Variants in HSP90B1 observed in about 807,000 individuals in gnomAD.
HSP90B1 encodes endoplasmin.
Under a neutral mutation model 100.4 loss-of-function variants are expected in HSP90B1, and 27 were observed. The observed-to-expected ratio is 0.27, with a 90% CI of 0.20 to 0.37. HSP90B1 has a LOEUF of 0.37. Ranked by LOEUF, HSP90B1 falls within the 10% of genes least tolerant of loss-of-function variation. HSP90B1 has a pLI of 1.00. For synonymous variants in HSP90B1, 304 were observed against 330.8 expected, an observed-to-expected ratio of 0.92 and a Z score of 0.88; for missense variants, 678 against 960.5, an observed-to-expected ratio of 0.71 and a Z score of 3.89.
At position 103,943,536 on chromosome 12, in the gene HSP90B1, G is replaced by A; in HGVS notation, c.1891-202G>A. The A allele has an allele frequency of 4.4e-6, 3 of 688,164 alleles. No homozygotes were observed. The highest frequency in any genetic ancestry group is 4.5e-5 in the South Asian group (2 of 44,498). The allele number at this position is 688,164 out of a possible 1,614,324, so 42.6% of individuals were successfully genotyped here. On this transcript the variant is annotated intron_variant, in intron 13 of 17. Transcript: ENST00000299767. The surrounding 1 kb of genome is among the most constrained non-coding windows in gnomAD (Gnocchi z 5.3). ...ATTAAATTTTATGTTTTTAAAAGGT[G>A]GTATTTAAACTTCTGACTAGAAAAT...
intron 4 of HSP90B1, among the ~76,000 whole-genome samples, chr12:103,933,672 T>G (rs1869828743): frequency 6.6e-6 from 1 of 152,260 alleles, no homozygotes; most frequent in South Asian, 2.1e-4. Context: ...TTTATTTTTC[T>G]TGAATTGTTT....
chr12:103,938,696 C>T (rs1031322068), intron 7 of HSP90B1: 1 of 261,370 alleles, frequency 3.8e-6, no homozygotes, highest in Non-Finnish European at 7.3e-6. Context: ...TATATATTGC[C>T]TAGGACTGGT....
In HSP90B1 at chr12:103,939,734, C is replaced by T. The variant is rs1469925090; in HGVS notation, c.1092+109C>T. On this transcript the variant is annotated intron_variant, in intron 8 of 17. Transcript: ENST00000299767. ...GACCATGAATATGAGATGGTCCATT[C>T]CCATTTTTTCCCAGTGAGAAAATTC... 6 of 528,678 alleles carry T rather than the reference C, an allele frequency of 1.1e-5. No individual in the cohort carries two copies. The African/African-American group carries it at 1.2e-4, about 10-fold the overall frequency. 32.7% of individuals were successfully genotyped at this position (528,678 alleles called of 1,614,324 possible).
intron 6 of HSP90B1, 159 bp from the exon 7 acceptor site, chr12:103,938,181 A>G: frequency 3.4e-6 from 2 of 586,836 alleles, no homozygotes; most frequent in Non-Finnish European, 5.7e-6. Flanking sequence ...AAAAAAAAAA[A>G]AAAAGAATGA....
chr12:103,940,537 T>C (rs1202340215), intron 8 of HSP90B1, among the ~76,000 whole-genome samples: 1 of 152,202 alleles, frequency 6.6e-6, no homozygotes, highest in African/African-American at 2.4e-5. Flanking sequence ...TTCCATATCC[T>C]TTAAATTTCA....
At chr12:103,944,117 T>C (rs776274739) in intron 14 of HSP90B1, among the ~76,000 whole-genome samples, 16 of 152,230 alleles carry the variant, frequency 1.1e-4, no homozygotes, top group Non-Finnish European at 1.8e-4. Flanking sequence ...TTTCTTAATG[T>C]GTTATGCATA....
At position 103,932,324 on chromosome 12, in the gene HSP90B1, G is replaced by A. The variant is rs1263799075; in HGVS notation, c.200G>A (p.Arg67Lys). 6.2e-7 allele frequency: 1 copy of A among 1,613,050 alleles called. No individual in the cohort carries two copies. Residue 67 changes from arginine (R) to lysine (K), a missense_variant, in exon 3 of 18, where the codon AGA becomes AAA. Physicochemically the swap from Arg to Lys is conservative, Grantham distance 26. This residue lies in a region of HSP90B1 where 88 missense variants were observed against 88.2 expected (regional missense o/e 1.00). Coordinates refer to ENST00000299767, the MANE Select transcript of HSP90B1 (RefSeq NM_003299.3). ...QLDGLNASQI[R>K]ELREKSEKFA... is the part of the protein sequence containing the mutation. Reference sequence around the variant, plus strand: ...GATGGATTAAATGCATCACAAATAAGAGAACTTAGAGAGAAGTCGGAAAAG... The same window carrying A: ...GATGGATTAAATGCATCACAAATAAAAGAACTTAGAGAGAAGTCGGAAAAG...
At chr12:103,931,484 T>C in intron 1 of HSP90B1, 37 bp from the exon 2 acceptor site, 2 of 1,474,120 alleles carry the variant, frequency 1.4e-6, no homozygotes, top group Non-Finnish European at 9.5e-7. Context: ...CTTGGAGAAG[T>C]GTGATGTTGA....
At chr12:103,936,796 A>C (rs920993410) in intron 5 of HSP90B1, among the ~76,000 whole-genome samples, 1 of 152,146 alleles carries the variant, frequency 6.6e-6, no homozygotes, top group South Asian at 2.1e-4. Context: ...TTCTACTTGC[A>C]TCCAAAACTG....
At chr12:103,944,639 C>A (rs560860640) in intron 14 of HSP90B1, among the ~76,000 whole-genome samples, 1 of 151,992 alleles carries the variant, frequency 6.6e-6, no homozygotes, top group African/African-American at 2.4e-5. Flanking sequence ...TCACTGCAAC[C>A]TCCGCCTCCT....
At chr12:103,933,446 C>T (rs1438898425) in intron 4 of HSP90B1, among the ~76,000 whole-genome samples, 1 of 152,242 alleles carries the variant, frequency 6.6e-6, no homozygotes, top group Non-Finnish European at 1.5e-5. Context: ...ACAGAGCTCT[C>T]CTTTACAACT....
At chr12:103,946,500 C>A (rs1315630273) in intron 14 of HSP90B1, 118 bp from the exon 15 acceptor site, 3 of 727,716 alleles carry the variant, frequency 4.1e-6, no homozygotes, top group South Asian at 1.8e-5. Flanking sequence ...GTCAATAGTA[C>A]ATTTTGATTT....
Position 103,941,665 on chromosome 12 carries a change from C to T in HSP90B1, c.1267C>T (p.His423Tyr), listed in dbSNP as rs760767560. ...VRRVFITDDFHDMMPKYLNFV... is the reference protein window; with the variant it reads ...VRRVFITDDFYDMMPKYLNFV... ...CCGTGTATTCATCACAGACGACTTC[C>T]ATGATATGATGCCTAAATACCTCAA... The change falls in exon 10 of 18, where the codon CAT becomes TAT. Residue 423 changes from histidine to tyrosine, a missense_variant. His to Tyr is a moderately conservative substitution (Grantham distance 83). This residue lies in a region of HSP90B1 where 44 missense variants were observed against 110.8 expected (regional missense o/e 0.40). Transcript: ENST00000299767. The T allele has an allele frequency of 2.5e-6, 4 of 1,614,100 alleles. No homozygotes were observed. In the South Asian group the frequency reaches 4.4e-5, roughly 18 times the overall value.
In HSP90B1 at chr12:103,930,821, G is replaced by T. The variant is rs539380581; in HGVS notation, c.49+257G>T. ...CGGAGGTCTCAGCGACCTCGGGGTG[G>T]GGCCTCTCTGAGGCTCTGGCTCCCC... On this transcript the variant is annotated intron_variant, in intron 1 of 17. Coordinates refer to ENST00000299767, the MANE Select transcript of HSP90B1 (RefSeq NM_003299.3). The surrounding 1 kb of genome is among the most constrained non-coding windows in gnomAD (Gnocchi z 4.4). Among the ~76,000 whole-genome samples the T allele has an allele frequency of 7.1e-3, 1,078 of 152,140 alleles. 4 individuals are homozygous for T. Among genetic ancestry groups the T allele is most frequent in the Non-Finnish European group, 0.011 (738 of 67,984 alleles).
intron 14 of HSP90B1, among the ~76,000 whole-genome samples, chr12:103,945,498 G>C (rs1295431623): frequency 6.6e-6 from 1 of 152,154 alleles, no homozygotes; most frequent in Admixed American, 6.5e-5. Context: ...ATTTGGAACT[G>C]AGCTCAGATA....
Position 103,943,416 on chromosome 12 carries a change from C to T in HSP90B1, c.1890+97C>T. The T allele has an allele frequency of 2.6e-6, 3 of 1,161,826 alleles. No individual in the cohort carries two copies. Among genetic ancestry groups the T allele is most frequent in the Middle Eastern group, 2.0e-4 (1 of 5,056 alleles). The allele number at this position is 1,161,826 out of a possible 1,614,324, so 72.0% of individuals were successfully genotyped here. A position where few individuals can be genotyped will look rare whatever the true frequency, so the allele number is the denominator to read the frequency against. Reference sequence around the variant, plus strand: ...TAAGCTGCAGCTGGTTACTTTGTAACCATTAGAATGGTAAAAATTTAATTA... The same window carrying T: ...TAAGCTGCAGCTGGTTACTTTGTAATCATTAGAATGGTAAAAATTTAATTA... On this transcript the variant is annotated intron_variant, in intron 13 of 17. Transcript: ENST00000299767. The surrounding 1 kb of genome is among the most constrained non-coding windows in gnomAD (Gnocchi z 5.3).
rs115658995 is a variant in HSP90B1 at position 103,947,619 on chromosome 12, T to A, written c.2383-14T>A. The A allele has an allele frequency of 6.3e-4, 999 of 1,576,536 alleles. 5 individuals are homozygous for A. The African/African-American group carries it at 0.011, about 18-fold the overall frequency. The stretch of plus-strand genomic sequence containing the variant: ...ACTTTTAATACCTTCTGGGTTTTTT[T>A]TATTTATTTACAGGAATCTACAGCT... On this transcript the variant is annotated splice_polypyrimidine_tract_variant and intron_variant, in intron 17 of 17. Transcript: ENST00000299767.
chr12:103,937,856 T>A, intron 6 of HSP90B1, 50 bp downstream of exon 6: 1 of 954,120 alleles, frequency 1.0e-6, no homozygotes, highest in Non-Finnish European at 1.6e-6. Flanking sequence ...GGCACGTATT[T>A]AAATATTCAA....
chr12:103,931,468 A>C (rs373470961), intron 1 of HSP90B1, 53 bp from the exon 2 acceptor site: 1 of 1,413,030 alleles, frequency 7.1e-7, no homozygotes, highest in East Asian at 2.3e-5. Context: ...CTATTTGATC[A>C]TCCTCCTTGG....
Sources: gnomAD v4.1 joint callset for allele counts (sites outside exome capture counted in the v4.1 genomes callset) on GRCh38, gnomAD v4.1.1 for gene constraint, gnomAD v4.1.1 regional missense constraint, Gnocchi (gnomAD v3.1) non-coding constraint, MANE v1.5 for transcripts, NCBI Gene and HGNC (gene_info 2026-07-23, HGNC 2026-07-21) for gene names.